Variants in FRMD5 observed in about 807,000 individuals in gnomAD.
FRMD5 encodes the protein FERM domain containing 5.
Under a neutral mutation model 69.0 loss-of-function variants are expected in FRMD5, and 20 were observed. That is an observed-to-expected ratio of 0.29 (90% CI 0.20 to 0.42). The LOEUF is 0.42. FRMD5 is among the 10% of genes least tolerant of loss of function. FRMD5 has a pLI of 1.00. For synonymous variants in FRMD5, 271 were observed against 260.1 expected, an observed-to-expected ratio of 1.04 and a Z score of -0.40; for missense variants, 595 against 708.6, an observed-to-expected ratio of 0.84 and a Z score of 1.82.
At chr15:44,078,266 T>C (rs1467888000) in intron 1 of FRMD5, among the ~76,000 whole-genome samples, 1 of 152,144 alleles carries the variant, frequency 6.6e-6, no homozygotes, top group African/African-American at 2.4e-5. Context: ...AGGGTTTAAA[T>C]AATACCATGT....
intron 1 of FRMD5, among the ~76,000 whole-genome samples, chr15:44,164,067 A>G (rs1240964583): frequency 6.6e-6 from 1 of 152,192 alleles, no homozygotes. Context: ...GAATGCAAAC[A>G]AAATGCTTCT....
intron 1 of FRMD5, among the ~76,000 whole-genome samples, chr15:44,079,587 G>T (rs1893913948): frequency 6.6e-6 from 1 of 152,044 alleles, no homozygotes; most frequent in Non-Finnish European, 1.5e-5. Flanking sequence ...ATACCCATAT[G>T]ATCTAGCAAT....
intron 1 of FRMD5, among the ~76,000 whole-genome samples, chr15:44,193,839 C>A (rs1204832130): frequency 2.0e-5 from 3 of 152,122 alleles, no homozygotes; most frequent in Admixed American, 6.6e-5. Flanking sequence ...AATAAGGAGG[C>A]GGGGGGCAAG....
At chr15:43,999,990 G>GCCATGCATATATATATATATA (rs1566889956) in intron 1 of FRMD5, among the ~76,000 whole-genome samples, 1 of 28,912 alleles carries the variant, frequency 3.5e-5, no homozygotes, top group East Asian at 6.5e-4. Context: ...ATATATATAT[G>GCCATGCATATATATATATATA]TGCCATGATT....
chr15:44,039,349 G>T (rs1892080771), intron 1 of FRMD5, among the ~76,000 whole-genome samples: 1 of 152,194 alleles, frequency 6.6e-6, no homozygotes, highest in Admixed American at 6.5e-5. Context: ...TCCTCAAGTG[G>T]GTCCCTGACC....
rs189340897 is a variant in FRMD5, at chr15:44,011,346, T to C, written c.103-87037A>G. The stretch of plus-strand genomic sequence containing the variant: ...GGAATTGAGAGACAGAGCCAACAGA[T>C]GTTTAGGATATAAATCAACAGGTCC... On this transcript the variant is annotated intron_variant, in intron 1 of 13. Coordinates refer to ENST00000417257, the MANE Select transcript of FRMD5 (RefSeq NM_032892.5). 7.5e-4 allele frequency among the ~76,000 whole-genome samples: 114 copies of C among 152,216 alleles called. 1 individual carries two copies. Among genetic ancestry groups the C allele is most frequent in the Non-Finnish European group, 9.4e-4 (64 of 68,010 alleles).
Position 43,888,818 on chromosome 15 carries a change from ACTTACGTAT to A in FRMD5, c.774_782del (p.Leu258_Ser261delinsPhe). On this transcript the variant is annotated inframe_deletion, in exon 9 of 14. Coordinates refer to ENST00000417257, the MANE Select transcript of FRMD5 (RefSeq NM_032892.5). ...GGAAGCCAGCACTCACCTCTTTCTG[ACTTACGTAT>A]AAATAGAAAGTCTTTCCTTCAAATT... 1 of 1,613,552 alleles carries A rather than the reference ACTTACGTAT, an allele frequency of 6.2e-7. No homozygotes were observed. The highest frequency in any genetic ancestry group is 8.5e-7 in the Non-Finnish European group (1 of 1,179,518).
intron 4 of FRMD5, among the ~76,000 whole-genome samples, chr15:43,913,641 C>T (rs1295788265): frequency 6.6e-6 from 1 of 152,342 alleles, no homozygotes; most frequent in South Asian, 2.1e-4. Context: ...GGCACTATCT[C>T]CAGGGCCACT....
rs2140450472 is a variant in FRMD5, at chr15:43,924,255, G to A, written c.157C>T (p.Leu53Phe). Residue 53 changes from leucine (L) to phenylalanine (F), a missense_variant, in exon 2 of 14, where the codon CTT becomes TTT. Leu to Phe is a conservative substitution (Grantham distance 22). Transcript: ENST00000417257. ...FDLLCHHLNL[L>F]EKDYFGIRFV... ...CGGATACCAAAATAGTCTTTCTCAA[G>A]TAGGTTCAGATGGTGGCAAAGAAGG... The A allele has an allele frequency of 6.2e-7, 1 of 1,614,142 alleles. No homozygotes were observed. Among genetic ancestry groups the A allele is most frequent in the Non-Finnish European group, 8.5e-7 (1 of 1,179,980 alleles).
At chr15:44,020,548 A>AT (rs1276131677) in intron 1 of FRMD5, among the ~76,000 whole-genome samples, 3 of 152,206 alleles carry the variant, frequency 2.0e-5, no homozygotes, top group Non-Finnish European at 2.9e-5. Context: ...GAATTAGTAT[A>AT]TTTTTTAACA....
At chr15:43,947,780 C>T (rs1215920823) in intron 1 of FRMD5, among the ~76,000 whole-genome samples, 1 of 152,194 alleles carries the variant, frequency 6.6e-6, no homozygotes, top group East Asian at 1.9e-4. Flanking sequence ...ATTGCTGAAG[C>T]AGAGGCAGCT....
At chr15:43,957,885 T>C (rs547232047) in intron 1 of FRMD5, among the ~76,000 whole-genome samples, 2 of 152,316 alleles carry the variant, frequency 1.3e-5, no homozygotes, top group Admixed American at 1.3e-4. Context: ...TTACTCTTCC[T>C]CCTTAACACA....
intron 1 of FRMD5, among the ~76,000 whole-genome samples, chr15:43,991,555 G>T (rs1324333591): frequency 1.3e-5 from 2 of 152,150 alleles, no homozygotes; most frequent in African/African-American, 4.8e-5. Flanking sequence ...TAAATTCATT[G>T]CCAAATTGGG....
At chr15:43,983,461 C>T (rs773335719) in intron 1 of FRMD5, among the ~76,000 whole-genome samples, 38 of 152,082 alleles carry the variant, frequency 2.5e-4, no homozygotes, top group Admixed American at 8.5e-4. Flanking sequence ...ACACTAGTTT[C>T]CTTGATCTGG....
chr15:44,185,147 T>C (rs967770059), intron 1 of FRMD5, among the ~76,000 whole-genome samples: 2 of 152,262 alleles, frequency 1.3e-5, no homozygotes, highest in African/African-American at 4.8e-5. Flanking sequence ...TTCAGTGTTT[T>C]ATGTTCTGTA....
At chr15:43,879,509 C>T (rs2088464125) in intron 13 of FRMD5, 2 of 399,000 alleles carry the variant, frequency 5.0e-6, no homozygotes, top group Non-Finnish European at 8.8e-6. Flanking sequence ...CTTGGAAATG[C>T]TCCAGCTGAT....
chr15:44,007,437 T>C (rs1890501610), intron 1 of FRMD5, among the ~76,000 whole-genome samples: 2 of 152,090 alleles, frequency 1.3e-5, no homozygotes, highest in African/African-American at 2.4e-5. Context: ...TAGAATTTCA[T>C]TTGGAGTTAA....
intron 1 of FRMD5, among the ~76,000 whole-genome samples, chr15:43,973,885 C>T (rs1373307100): frequency 6.6e-6 from 1 of 150,762 alleles, no homozygotes; most frequent in Non-Finnish European, 1.5e-5. Flanking sequence ...TAAGTCAGGC[C>T]TCCTCAATCT....
chr15:44,059,273 G>A (rs1385814381), intron 1 of FRMD5, among the ~76,000 whole-genome samples: 2 of 151,866 alleles, frequency 1.3e-5, no homozygotes, highest in South Asian at 2.1e-4. Flanking sequence ...CCCCCTCCTC[G>A]ATTTCAAAGA....
Sources: gnomAD v4.1 joint callset for allele counts (sites outside exome capture counted in the v4.1 genomes callset) on GRCh38, gnomAD v4.1.1 for gene constraint, MANE v1.5 for transcripts, NCBI Gene and HGNC (gene_info 2026-07-23, HGNC 2026-07-21) for gene names.